Variants in COG5 observed in about 807,000 individuals in gnomAD.
COG5 encodes conserved oligomeric Golgi complex subunit 5.
COG5 carries 86 observed loss-of-function variants against 110.4 expected under a neutral mutation model. The ratio of observed to expected loss-of-function variants is 0.78; its 90% CI spans 0.65 to 0.93. The LOEUF (loss-of-function observed/expected upper bound fraction) is 0.93. Ranked by LOEUF, COG5 falls within the 40% of genes least tolerant of loss-of-function variation. COG5 has a pLI of 0.00. For missense variants in COG5, 1,077 were observed against 987.0 expected (o/e 1.09, Z -1.22); for synonymous variants, 360 against 334.6 (o/e 1.08, Z -0.83).
Position 107,559,475 on chromosome 7 carries a change from G to A in COG5, c.95-1360C>T, listed in dbSNP as rs563743363. Among the ~76,000 whole-genome samples the A allele has an allele frequency of 5.9e-5, 9 of 152,284 alleles. No homozygotes were observed. The South Asian group carries it at 1.9e-3, about 32-fold the overall frequency. ...ATCTGCTATAATGTATGCTCCAAGA[G>A]GGGAAGAAGGTCTTTGTTTTGTTTG... On this transcript the variant is annotated intron_variant, in intron 1 of 21. Transcript: ENST00000297135.
intron 7 of COG5, among the ~76,000 whole-genome samples, chr7:107,376,907 T>A (rs974620385): frequency 6.6e-6 from 1 of 152,188 alleles, no homozygotes; most frequent in African/African-American, 2.4e-5. Flanking sequence ...TTATGTTATA[T>A]TTCTGGAATA....
At chr7:107,383,033 TA>T (rs1437093940) in intron 7 of COG5, among the ~76,000 whole-genome samples, 2 of 152,070 alleles carry the variant, frequency 1.3e-5, no homozygotes, top group African/African-American at 4.8e-5. Flanking sequence ...GTGATGGGAA[TA>T]AATAGGATGC....
intron 8 of COG5, among the ~76,000 whole-genome samples, chr7:107,363,102 A>G (rs1813265930): frequency 1.3e-5 from 2 of 152,166 alleles, no homozygotes; most frequent in South Asian, 4.2e-4. Flanking sequence ...CTCAGTGTAA[A>G]CAGAATAAAG....
intron 10 of COG5, among the ~76,000 whole-genome samples, chr7:107,345,447 G>A (rs968267974): frequency 6.6e-6 from 1 of 151,814 alleles, no homozygotes; most frequent in African/African-American, 2.4e-5. Flanking sequence ...GCACAATAGA[G>A]GTGAAGCACA....
intron 21 of COG5, chr7:107,210,060 T>C: frequency 1.9e-6 from 2 of 1,035,686 alleles, no homozygotes; most frequent in Non-Finnish European, 2.3e-6. Context: ...CATGGGGCAC[T>C]ACTGGAGGGC....
At chr7:107,460,003 T>G (rs1055310086) in intron 6 of COG5, among the ~76,000 whole-genome samples, 2 of 151,966 alleles carry the variant, frequency 1.3e-5, no homozygotes, top group African/African-American at 4.8e-5. Context: ...CTAAACAAAT[T>G]TAAAAGAACA....
intron 10 of COG5, among the ~76,000 whole-genome samples, chr7:107,327,988 T>G (rs1291962734): frequency 6.6e-6 from 1 of 152,180 alleles, no homozygotes; most frequent in Non-Finnish European, 1.5e-5. Context: ...TGAATACTCA[T>G]GTTTACTGCA....
chr7:107,424,778 C>G (rs1271205727), intron 6 of COG5, among the ~76,000 whole-genome samples: 1 of 152,092 alleles, frequency 6.6e-6, no homozygotes, highest in African/African-American at 2.4e-5. Flanking sequence ...TATCCAAAAT[C>G]CTGCATGATA....
chr7:107,407,439 AT>A (rs767096498), intron 7 of COG5, among the ~76,000 whole-genome samples: 68 of 152,272 alleles, frequency 4.5e-4, no homozygotes, highest in Non-Finnish European at 8.8e-4. Flanking sequence ...TTATCCAATT[AT>A]TTAATATTTA....
chr7:107,372,534 T>C, intron 8 of COG5, 61 bp downstream of exon 8: 1 of 1,519,020 alleles, frequency 6.6e-7, no homozygotes, highest in Non-Finnish European at 9.1e-7. Context: ...TTTCACATAC[T>C]ATTCAAAAGA....
chr7:107,324,563 C>A (rs750958293), intron 10 of COG5, 42 bp from the exon 11 acceptor site: 6 of 1,216,798 alleles, frequency 4.9e-6, no homozygotes, highest in African/African-American at 4.5e-5. Flanking sequence ...TAAAAAAATG[C>A]ATTTATTTTA....
intron 6 of COG5, among the ~76,000 whole-genome samples, chr7:107,435,701 A>G (rs1332202826): frequency 6.6e-6 from 1 of 152,168 alleles, no homozygotes; most frequent in Admixed American, 6.6e-5. Context: ...ACTGGCAGAC[A>G]TGTAAAATGA....
At chr7:107,312,267 A>T (rs931790264) in intron 11 of COG5, among the ~76,000 whole-genome samples, 1 of 152,190 alleles carries the variant, frequency 6.6e-6, no homozygotes, top group Non-Finnish European at 1.5e-5. Flanking sequence ...TAAATATTTA[A>T]CACTTTAGGG....
At chr7:107,538,234 G>A (rs867899201) in intron 5 of COG5, among the ~76,000 whole-genome samples, 7 of 152,302 alleles carry the variant, frequency 4.6e-5, no homozygotes, top group Middle Eastern at 3.4e-3. Context: ...TAAAAGATTA[G>A]GGCAGGGCGG....
At chr7:107,453,350 T>C (rs536430398) in intron 6 of COG5, among the ~76,000 whole-genome samples, 1 of 152,182 alleles carries the variant, frequency 6.6e-6, no homozygotes, top group African/African-American at 2.4e-5. Context: ...ATGGTATTAA[T>C]AATGAGAATC....
chr7:107,417,596 C>T (rs570480634), intron 6 of COG5, among the ~76,000 whole-genome samples: 12 of 152,188 alleles, frequency 7.9e-5, no homozygotes, highest in South Asian at 2.1e-4. Context: ...CAAAGTAACA[C>T]GTTAGCTTCT....
At chr7:107,414,513 C>T (rs76678496) in intron 6 of COG5, among the ~76,000 whole-genome samples, 9,208 of 151,992 alleles carry the variant, frequency 0.061, 303 homozygotes, top group African/African-American at 0.086. Flanking sequence ...AATTCAAGCA[C>T]ATCAGTCATT....
At chr7:107,520,904 G>A (rs747233696) in intron 6 of COG5, among the ~76,000 whole-genome samples, 2 of 152,068 alleles carry the variant, frequency 1.3e-5, no homozygotes, top group Non-Finnish European at 2.9e-5. Context: ...ATACTACAAG[G>A]CTACAGTAAC....
At chr7:107,529,026 A>AAAAAAAAAT (rs1800983272) in intron 5 of COG5, among the ~76,000 whole-genome samples, 1 of 148,680 alleles carries the variant, frequency 6.7e-6, no homozygotes, top group African/African-American at 2.4e-5. Flanking sequence ...TACTTAAATA[A>AAAAAAAAAT]AAAAAAAAAA....
Sources: allele counts gnomAD v4.1 joint callset (sites outside exome capture counted in the v4.1 genomes callset), GRCh38; gene constraint gnomAD v4.1.1; transcripts MANE v1.5; gene names NCBI Gene and HGNC (gene_info 2026-07-23, HGNC 2026-07-21).